Variants in HNRNPF observed in about 807,000 individuals in gnomAD.
HNRNPF encodes HnRNP F protein.
A neutral mutation model predicts 26.0 loss-of-function variants in HNRNPF; 2 were observed. The observed-to-expected ratio is 0.08, with a 90% CI of 0.03 to 0.24. The LOEUF is 0.24. Among genes scored for constraint, HNRNPF ranks in the 10% least tolerant of loss-of-function variants. The pLI is 1.00. For synonymous variants in HNRNPF, 234 were observed against 211.5 expected (o/e 1.11, Z -0.92); for missense variants, 299 against 539.2 (o/e 0.55, Z 4.41).
At chr10:43,398,004 G>C (rs527880475) in intron 1 of HNRNPF, among the ~76,000 whole-genome samples, 1 of 152,218 alleles carries the variant, frequency 6.6e-6, no homozygotes, top group African/African-American at 2.4e-5. Flanking sequence ...TTCTACTTTT[G>C]TGTATGTTTG....
chr10:43,387,633 C>T lies in HNRNPF; in HGVS notation c.252G>A (p.Glu84=), dbSNP rs1838080342. 4 of 1,614,170 alleles carry T rather than the reference C, an allele frequency of 2.5e-6. No individual in the cohort carries two copies. The highest frequency in any genetic ancestry group is 1.6e-4 in the Middle Eastern group (1 of 6,062). ...DRESMGHRYI[E]VFKSHRTEMD... ...TCTCGGTTCTGTGGGACTTGAACACCTCAATGTACCGGTGTCCCATGCTTT... is the reference window on the plus strand; with the variant it reads ...TCTCGGTTCTGTGGGACTTGAACACTTCAATGTACCGGTGTCCCATGCTTT... Residue 84 remains glutamate, a synonymous_variant, in exon 4 of 4, where the codon GAG becomes GAA. Transcript: ENST00000682386. This position sits in a 1 kb window ranked among gnomAD's most constrained non-coding sequence, Gnocchi z 6.0.
At chr10:43,388,066 C>A (rs116110063) in intron 3 of HNRNPF, 130 bp from the exon 4 acceptor site, 66 of 569,168 alleles carry the variant, frequency 1.2e-4, no homozygotes, top group African/African-American at 1.1e-3. Flanking sequence ...AACTCCAGGT[C>A]TCTCAAAAAA....
At chr10:43,397,682 CTT>C (rs1240261686) in intron 1 of HNRNPF, among the ~76,000 whole-genome samples, 1 of 152,156 alleles carries the variant, frequency 6.6e-6, no homozygotes, top group Non-Finnish European at 1.5e-5. Context: ...AATTCCTAAA[CTT>C]TTAACTAACG....
At chr10:43,396,936 T>C in intron 1 of HNRNPF, 1 of 134,218 alleles carries the variant, frequency 7.5e-6, no homozygotes, top group African/African-American at 2.8e-5. Context: ...CTGGCGGGCT[T>C]CCGGGGCCCT....
intron 1 of HNRNPF, among the ~76,000 whole-genome samples, chr10:43,399,968 G>A (rs1199439082): frequency 6.6e-6 from 1 of 152,208 alleles, no homozygotes; most frequent in Non-Finnish European, 1.5e-5. Context: ...ACAGACAGGA[G>A]CATGGGTGAG....
chr10:43,397,442 C>T (rs189594798), intron 1 of HNRNPF: 2 of 152,498 alleles, frequency 1.3e-5, no homozygotes, highest in Non-Finnish European at 2.9e-5. Flanking sequence ...TCTCCGAGTT[C>T]TCCCGAAGGG....
intron 1 of HNRNPF, among the ~76,000 whole-genome samples, chr10:43,398,245 C>T (rs1018077941): frequency 6.6e-6 from 1 of 151,908 alleles, no homozygotes; most frequent in African/African-American, 2.4e-5. Flanking sequence ...AGGCTGGTCT[C>T]GATATCTTGA....
At chr10:43,399,644 G>A (rs1588997464) in intron 1 of HNRNPF, among the ~76,000 whole-genome samples, 1 of 152,202 alleles carries the variant, frequency 6.6e-6, no homozygotes, top group Admixed American at 6.5e-5. Context: ...ATGGTGGGAA[G>A]AGATACATGG....
At chr10:43,392,823 C>A (rs1394002820) in intron 3 of HNRNPF, among the ~76,000 whole-genome samples, 2 of 152,296 alleles carry the variant, frequency 1.3e-5, no homozygotes, top group South Asian at 2.1e-4. Flanking sequence ...TCAGGAGATA[C>A]ACAAACCCCC....
At chr10:43,389,026 A>G (rs1232083302) in intron 3 of HNRNPF, among the ~76,000 whole-genome samples, 1 of 142,382 alleles carries the variant, frequency 7.0e-6, no homozygotes, top group Non-Finnish European at 1.5e-5. Flanking sequence ...GCTGGAGTGC[A>G]GTGGTGCTGT....
chr10:43,386,527 A>G lies in HNRNPF; in HGVS notation c.*110T>C. On this transcript the variant is annotated 3_prime_UTR_variant, in exon 4 of 4. Coordinates refer to ENST00000682386, the MANE Select transcript of HNRNPF (RefSeq NM_001098204.2). ...TAATTTTTTAATCCAGATTTTTCAC[A>G]AACTCATGGTGCAAAATGGGTCCCC... The G allele has an allele frequency of 9.2e-7, 1 of 1,089,032 alleles. No homozygotes were observed. The highest frequency in any genetic ancestry group is 1.3e-6 in the Non-Finnish European group (1 of 792,438). The allele number at this position is 1,089,032 out of a possible 1,614,324, so 67.5% of individuals were successfully genotyped here. A position where few individuals can be genotyped will look rare whatever the true frequency, so the allele number is the denominator to read the frequency against.
intron 3 of HNRNPF, among the ~76,000 whole-genome samples, chr10:43,392,515 G>A (rs886703064): frequency 6.6e-6 from 1 of 152,204 alleles, no homozygotes; most frequent in Non-Finnish European, 1.5e-5. Flanking sequence ...CTCCAGCCTA[G>A]GCGACAGAGA....
Position 43,391,652 on chromosome 10 carries a change from G to A in HNRNPF, c.-53+2978C>T, listed in dbSNP as rs1838253421. Reference sequence around the variant, plus strand: ...CATTACTCTTGGAAGTGGACTTTGTGAAGTCAAGTCAGAGTCCAGGAGTTT... The same window carrying A: ...CATTACTCTTGGAAGTGGACTTTGTAAAGTCAAGTCAGAGTCCAGGAGTTT... On this transcript the variant is annotated intron_variant, in intron 3 of 3. Transcript: ENST00000682386. Among the ~76,000 whole-genome samples the A allele has an allele frequency of 2.8e-5, 4 of 144,308 alleles. No individual in the cohort carries two copies. The South Asian group carries it at 8.8e-4, about 32-fold the overall frequency. 94.7% of individuals were successfully genotyped at this position (144,308 alleles called of 152,430 possible).
intron 1 of HNRNPF, among the ~76,000 whole-genome samples, chr10:43,397,631 G>T (rs1838599022): frequency 6.6e-6 from 1 of 152,134 alleles, no homozygotes; most frequent in Admixed American, 6.5e-5. Flanking sequence ...CACACGTAAA[G>T]ATTTTGAAAA....
intron 1 of HNRNPF, among the ~76,000 whole-genome samples, chr10:43,406,434 C>A (rs1217343933): frequency 6.6e-6 from 1 of 152,208 alleles, no homozygotes; most frequent in Admixed American, 6.5e-5. Context: ...TGGCTCACGC[C>A]TGTAATCCCA....
At chr10:43,407,773 G>C (rs1032511274) in intron 1 of HNRNPF, 2 of 152,282 alleles carry the variant, frequency 1.3e-5, no homozygotes, top group African/African-American at 2.4e-5. Context: ...CGGCGCAGCC[G>C]AGGAGGAAAA....
At chr10:43,397,175 G>C (rs1838576171) in intron 1 of HNRNPF, 2 of 152,120 alleles carry the variant, frequency 1.3e-5, no homozygotes, top group South Asian at 4.1e-4. Context: ...GCGCCCGCGC[G>C]GCGGCTCACC....
At chr10:43,407,484 G>T (rs931410123) in intron 1 of HNRNPF, among the ~76,000 whole-genome samples, 1 of 152,082 alleles carries the variant, frequency 6.6e-6, no homozygotes, top group Non-Finnish European at 1.5e-5. Context: ...GGGCGGCCTT[G>T]GGGGGAGGGC....
chr10:43,397,458 G>A (rs569460173), intron 1 of HNRNPF: 1 of 152,328 alleles, frequency 6.6e-6, no homozygotes, highest in East Asian at 1.9e-4. Flanking sequence ...AAGGGAGCCA[G>A]GCGCGAGCGC....
Sources: allele counts gnomAD v4.1 joint callset (sites outside exome capture counted in the v4.1 genomes callset), GRCh38; gene constraint gnomAD v4.1.1; non-coding constraint Gnocchi (gnomAD v3.1); transcripts MANE v1.5; gene names NCBI Gene and HGNC (gene_info 2026-07-23, HGNC 2026-07-21).